Variants in ADAMTS16 observed in about 807,000 individuals in gnomAD.
ADAMTS16 encodes ADAM metallopeptidase with thrombospondin type 1 motif 16.
ADAMTS16 carries 94 observed loss-of-function variants against 145.8 expected under a neutral mutation model. That is an observed-to-expected ratio of 0.64 (90% CI 0.55 to 0.77). The LOEUF (loss-of-function observed/expected upper bound fraction) is 0.77, where lower values mean the gene tolerates loss of function less well. Ranked by LOEUF, ADAMTS16 falls within the 30% of genes least tolerant of loss-of-function variation. The probability of loss-of-function intolerance (pLI) is 0.00; values close to 1 mark genes in which losing one functional copy is unlikely to be tolerated. For missense variants in ADAMTS16, 1,585 were observed against 1,591.5 expected, an observed-to-expected ratio of 1.00 and a Z score of 0.07; for synonymous variants, 659 against 604.3, an observed-to-expected ratio of 1.09 and a Z score of -1.33.
chr5:5,257,359 G>A (rs960867603), intron 17 of ADAMTS16, among the ~76,000 whole-genome samples: 1 of 152,108 alleles, frequency 6.6e-6, no homozygotes, highest in African/African-American at 2.4e-5. Context: ...GCATGCTACT[G>A]AAATTATAAC....
chr5:5,294,937 G>A (rs1739472287), intron 18 of ADAMTS16, among the ~76,000 whole-genome samples: 1 of 152,098 alleles, frequency 6.6e-6, no homozygotes, highest in African/African-American at 2.4e-5. Flanking sequence ...AGAGGATGCA[G>A]GTGTCAATAC....
At chr5:5,245,201 C>A (rs1737402997) in intron 17 of ADAMTS16, among the ~76,000 whole-genome samples, 1 of 152,010 alleles carries the variant, frequency 6.6e-6, no homozygotes, top group Admixed American at 6.6e-5. Context: ...TAGGTGTATC[C>A]CATTGGAGGC....
rs781114545 is a variant in ADAMTS16 at position 5,239,856 on chromosome 5, C to T, written c.2454C>T (p.Tyr818=). The T allele has an allele frequency of 2.5e-6, 4 of 1,614,122 alleles. No homozygotes were observed. Among genetic ancestry groups the T allele is most frequent in the East Asian group, 2.2e-5 (1 of 44,856 alleles). The change falls in exon 16 of 23, where the codon TAC becomes TAT. Residue 818 remains tyrosine (Y), a synonymous_variant. Transcript: ENST00000274181. ...RYKFSGTTFD[Y]RRSYNEPENL... is the part of the protein sequence containing the mutation. Reference sequence around the variant, plus strand: ...AATTTTCGGGCACTACTTTCGACTACAGACGGTCCTATAATGAGCCCGAGA... The same window carrying T: ...AATTTTCGGGCACTACTTTCGACTATAGACGGTCCTATAATGAGCCCGAGA...
chr5:5,184,261 C>T (rs1464583103), intron 4 of ADAMTS16, among the ~76,000 whole-genome samples: 6 of 152,042 alleles, frequency 3.9e-5, no homozygotes, highest in African/African-American at 1.4e-4. Context: ...ACCACAGGTC[C>T]TCGTGTCACC....
chr5:5,312,205 C>T (rs1038186291), intron 21 of ADAMTS16, among the ~76,000 whole-genome samples: 3 of 152,192 alleles, frequency 2.0e-5, no homozygotes, highest in Non-Finnish European at 4.4e-5. Flanking sequence ...TCCACCTCTG[C>T]TTCCTGTTTA....
At chr5:5,254,259 C>T (rs1297792044) in intron 17 of ADAMTS16, among the ~76,000 whole-genome samples, 1 of 152,136 alleles carries the variant, frequency 6.6e-6, no homozygotes, top group Non-Finnish European at 1.5e-5. Context: ...CATCTTAACA[C>T]CTATTCTCTT....
chr5:5,149,587 TTAATAGA>T (rs762868687), intron 3 of ADAMTS16, among the ~76,000 whole-genome samples: 4 of 152,226 alleles, frequency 2.6e-5, no homozygotes, highest in African/African-American at 4.8e-5. Flanking sequence ...CTCTATTCAT[TTAATAGA>T]GTTTCACCCT....
chr5:5,279,985 A>C (rs2964387), intron 18 of ADAMTS16, among the ~76,000 whole-genome samples: 125,171 of 145,264 alleles, frequency 0.86, 53,389 homozygotes, highest in Non-Finnish European at 0.9. Flanking sequence ...TTTTTCTTTC[A>C]TTTTGTTCTT....
At chr5:5,176,261 G>A (rs897622428) in intron 3 of ADAMTS16, 2 of 152,216 alleles carry the variant, frequency 1.3e-5, no homozygotes, top group African/African-American at 4.8e-5. Flanking sequence ...GGTTTGAGAA[G>A]TGCTGTGCTC....
rs771028999 is a variant in ADAMTS16 at position 5,182,027 on chromosome 5, C to T, written c.502-17C>T. 34 of 1,579,408 alleles carry T rather than the reference C, an allele frequency of 2.2e-5. No individual in the cohort carries two copies. The highest frequency in any genetic ancestry group is 2.8e-5 in the Non-Finnish European group (33 of 1,163,214). On this transcript the variant is annotated splice_polypyrimidine_tract_variant and intron_variant, in intron 3 of 22. Transcript: ENST00000274181. ...AAGTCTAATTGTGTTTTCTTTCTTT[C>T]CTTTTATTTTTTCCAGTCAGGCATG...
In ADAMTS16 at chr5:5,237,060, G is replaced by A. The variant is rs1030114079; in HGVS notation, c.2115G>A (p.Ser705=). ...SNKVKDGTPC[S]EDSRNVCIDG... is the part of the protein sequence containing the mutation. ...AAGTCAAAGATGGGACTCCATGCTCGGAGGATAGCCGTAATGTTTGTATAG... is the reference window on the plus strand; with the variant it reads ...AAGTCAAAGATGGGACTCCATGCTCAGAGGATAGCCGTAATGTTTGTATAG... The change falls in exon 14 of 23, where the codon TCG becomes TCA. Residue 705 remains serine, a synonymous_variant. Transcript: ENST00000274181. 17 of 1,613,954 alleles carry A rather than the reference G, an allele frequency of 1.1e-5. No individual in the cohort carries two copies. The highest frequency in any genetic ancestry group is 2.2e-5 in the East Asian group (1 of 44,884).
chr5:5,179,908 T>C (rs1735294168), intron 3 of ADAMTS16, among the ~76,000 whole-genome samples: 1 of 152,176 alleles, frequency 6.6e-6, no homozygotes. Flanking sequence ...TCTCCCAATA[T>C]TTGATAAACC....
At chr5:5,219,852 T>TA (rs1736541648) in intron 10 of ADAMTS16, among the ~76,000 whole-genome samples, 1 of 152,214 alleles carries the variant, frequency 6.6e-6, no homozygotes, top group Admixed American at 6.5e-5. Context: ...CCCAAACCTT[T>TA]AACAATATCA....
intron 6 of ADAMTS16, among the ~76,000 whole-genome samples, chr5:5,188,401 A>G (rs754602360): frequency 7.9e-5 from 12 of 152,188 alleles, no homozygotes; most frequent in South Asian, 2.1e-4. Flanking sequence ...CTTTGCCTTC[A>G]TTTGGGACCC....
chr5:5,215,049 A>C (rs527503246), intron 10 of ADAMTS16, among the ~76,000 whole-genome samples: 2 of 152,310 alleles, frequency 1.3e-5, no homozygotes, highest in South Asian at 4.1e-4. Flanking sequence ...TAGATGATGG[A>C]TGGATGATAT....
At chr5:5,144,041 G>T (rs1370240628) in intron 2 of ADAMTS16, among the ~76,000 whole-genome samples, 4 of 152,066 alleles carry the variant, frequency 2.6e-5, no homozygotes, top group Middle Eastern at 3.4e-3. Context: ...CAGGTTGATG[G>T]GTGCAGCAAA....
At chr5:5,209,576 T>A (rs1034644787) in intron 10 of ADAMTS16, among the ~76,000 whole-genome samples, 1 of 152,114 alleles carries the variant, frequency 6.6e-6, no homozygotes, top group Non-Finnish European at 1.5e-5. Flanking sequence ...TAAATGATTT[T>A]AAAAAAACGA....
chr5:5,295,447 T>C (rs753165856), intron 18 of ADAMTS16, among the ~76,000 whole-genome samples: 2 of 152,224 alleles, frequency 1.3e-5, no homozygotes, highest in Non-Finnish European at 2.9e-5. Context: ...TCAGCTGCCA[T>C]AAACAGATTG....
chr5:5,274,783 G>A (rs552815265), intron 18 of ADAMTS16, among the ~76,000 whole-genome samples: 21 of 151,780 alleles, frequency 1.4e-4, no homozygotes, highest in Admixed American at 2.6e-4. Flanking sequence ...ATAAGAAAGG[G>A]CAGAAAGATA....
Sources: allele counts gnomAD v4.1 joint callset (sites outside exome capture counted in the v4.1 genomes callset), GRCh38; gene constraint gnomAD v4.1.1; transcripts MANE v1.5; gene names NCBI Gene and HGNC (gene_info 2026-07-23, HGNC 2026-07-21).